Variants in DNAI2 observed in about 807,000 individuals in gnomAD.
The protein encoded by DNAI2 is dynein, axonemal, intermediate polypeptide 2.
Under a neutral mutation model 74.7 loss-of-function variants are expected in DNAI2, and 63 were observed. The ratio of observed to expected loss-of-function variants is 0.84; its 90% CI spans 0.69 to 1.04. The LOEUF is 1.04. Ranked by LOEUF, DNAI2 falls within the 50% of genes least tolerant of loss-of-function variation. The pLI is 0.00. For missense variants in DNAI2, 688 were observed against 803.2 expected, an observed-to-expected ratio of 0.86 and a Z score of 1.73; for synonymous variants, 289 against 314.9, an observed-to-expected ratio of 0.92 and a Z score of 0.87.
At chr17:74,310,263 C>A in intron 11 of DNAI2, 100 bp downstream of exon 11, 3 of 1,479,986 alleles carry the variant, frequency 2.0e-6, no homozygotes, top group East Asian at 2.5e-5. Context: ...CGCCCTCCCA[C>A]CCCCAGAACA....
intron 9 of DNAI2, among the ~76,000 whole-genome samples, 175 bp from the exon 10 acceptor site, chr17:74,309,078 A>T (rs1317526182): frequency 6.6e-6 from 1 of 151,528 alleles, no homozygotes; most frequent in Non-Finnish European, 1.5e-5. Flanking sequence ...AAAAAAAAAA[A>T]AGCAACCTGT....
intron 8 of DNAI2, among the ~76,000 whole-genome samples, chr17:74,303,075 G>A (rs573376357): frequency 6.6e-6 from 1 of 152,354 alleles, no homozygotes; most frequent in South Asian, 2.1e-4. Context: ...TGCACACTGT[G>A]TGTTGGACAC....
Position 74,299,902 on chromosome 17 carries a change from A to G in DNAI2, c.864+45A>G, listed in dbSNP as rs779082321. ...TGGAGAGAGGAGGGAAGGGAGGGGCAGTAACTGTTCCCTGGTTCCCCATCA... is the reference window on the plus strand; with the variant it reads ...TGGAGAGAGGAGGGAAGGGAGGGGCGGTAACTGTTCCCTGGTTCCCCATCA... On this transcript the variant is annotated intron_variant, in intron 7 of 13. Coordinates refer to ENST00000311014, the MANE Select transcript of DNAI2 (RefSeq NM_023036.6). 46 of 1,611,156 alleles carry G rather than the reference A, an allele frequency of 2.9e-5. No homozygotes were observed. In the African/African-American group the frequency reaches 5.1e-4, roughly 18 times the overall value.
rs2051476876 is a variant in DNAI2, at chr17:74,282,874, G to C, written c.183+874G>C. Among the ~76,000 whole-genome samples the C allele has an allele frequency of 2.0e-5, 3 of 152,198 alleles. No homozygotes were observed. The South Asian group carries it at 6.2e-4, about 31-fold the overall frequency. On this transcript the variant is annotated intron_variant, in intron 2 of 13. Coordinates refer to ENST00000311014, the MANE Select transcript of DNAI2 (RefSeq NM_023036.6). ...ACGTCCAACAGTCAGGTGGGTGTGG[G>C]TGGTTTCAGTGACTCACAGTTCAAA...
chr17:74,307,148 G>T, intron 9 of DNAI2: 1 of 437,774 alleles, frequency 2.3e-6, no homozygotes, highest in South Asian at 1.6e-5. Flanking sequence ...CAAGTAGGGG[G>T]TTCCCAGTAG....
At chr17:74,301,300 C>A in intron 8 of DNAI2, 132 bp downstream of exon 8, 1 of 1,342,046 alleles carries the variant, frequency 7.5e-7, no homozygotes. Flanking sequence ...TCACTGCAGC[C>A]ATCCTAGACG....
rs1361220056 is a variant in DNAI2, at chr17:74,300,430, CTCTT to C, written c.864+579_864+582del. The stretch of plus-strand genomic sequence containing the variant: ...AGGAAACACACCTCTCTCTTCTTTA[CTCTT>C]TCTTTTTGCACACTTCACACACTAT... On this transcript the variant is annotated intron_variant, in intron 7 of 13. Transcript: ENST00000311014. The surrounding 1 kb of genome is among the most constrained non-coding windows in gnomAD (Gnocchi z 4.5). Among the ~76,000 whole-genome samples the C allele has an allele frequency of 6.6e-6, 1 of 152,188 alleles. No individual in the cohort carries two copies. Among genetic ancestry groups the C allele is most frequent in the African/African-American group, 2.4e-5 (1 of 41,454 alleles).
intron 8 of DNAI2, among the ~76,000 whole-genome samples, chr17:74,304,635 A>C (rs1366583907): frequency 6.6e-6 from 1 of 152,184 alleles, no homozygotes; most frequent in Non-Finnish European, 1.5e-5. Flanking sequence ...TGGGCGATGG[A>C]CCCATGTCAG....
chr17:74,300,917 G>A lies in DNAI2; in HGVS notation c.865-129G>A, dbSNP rs575123454. 8.1e-5 allele frequency: 106 copies of A among 1,303,196 alleles called. No individual in the cohort carries two copies. The highest frequency in any genetic ancestry group is 5.3e-4 in the Middle Eastern group (2 of 3,796). The allele number at this position is 1,303,196 out of a possible 1,614,324, so 80.7% of individuals were successfully genotyped here. ...ATCCTCAAAGTGTATTTGCTCCCAC[G>A]AATTGCCGGGAGCTCCATCCTTTGT... is the stretch of plus-strand genomic sequence containing the variant. On this transcript the variant is annotated intron_variant, in intron 7 of 13. Transcript: ENST00000311014. This position sits in a 1 kb window ranked among gnomAD's most constrained non-coding sequence, Gnocchi z 4.5.
chr17:74,297,084 T>A (rs189423876), intron 6 of DNAI2, among the ~76,000 whole-genome samples: 12 of 152,154 alleles, frequency 7.9e-5, no homozygotes, highest in African/African-American at 2.9e-4. Context: ...GAAAACTGAT[T>A]TTTGTTTGTT....
rs754901875 is a variant in DNAI2 at position 74,305,313 on chromosome 17, C to T, written c.1082C>T (p.Pro361Leu). 6.2e-6 allele frequency: 10 copies of T among 1,614,132 alleles called. No individual in the cohort carries two copies. The highest frequency in any genetic ancestry group is 3.3e-5 in the Admixed American group (2 of 60,014). The change falls in exon 9 of 14, where the codon CCG (proline) becomes CTG (leucine). Residue 361 changes from proline (P) to leucine (L), a missense_variant. Pro to Leu is a moderately conservative substitution (Grantham distance 98, BLOSUM62 -3). Transcript: ENST00000311014. Reference protein sequence around the residue: ...TSAEKIVCTFPGHHGPIYALQ... With the variant: ...TSAEKIVCTFLGHHGPIYALQ... ...GCTGAAAAGATTGTGTGCACCTTCC[C>T]GGGCCATCATGGCCCCATCTACGCC...
chr17:74,308,863 A>C (rs569797297), intron 9 of DNAI2, among the ~76,000 whole-genome samples: 2 of 152,166 alleles, frequency 1.3e-5, no homozygotes, highest in East Asian at 3.9e-4. Context: ...CAAGAGTTTG[A>C]GAGCAGCCTG....
chr17:74,286,883 G>C (rs1395682043), intron 3 of DNAI2, 94 bp from the exon 4 acceptor site: 1 of 1,554,660 alleles, frequency 6.4e-7, no homozygotes, highest in African/African-American at 1.4e-5. Flanking sequence ...AAAGCCCCTG[G>C]CTATGTCCTG....
rs1346703644 is a variant in DNAI2, at chr17:74,301,450, C to CAACAACAACAGAAAACAAACAA, written c.987+282_987+283insAACAACAACAGAAAACAAACAA. On this transcript the variant is annotated intron_variant, in intron 8 of 13. Transcript: ENST00000311014. ...AGGGCAATCTTTTGACAGAACAATTCCAGAAAAGCCCTGTTTTGTGGGGAA... is the reference window on the plus strand; with the variant it reads ...AGGGCAATCTTTTGACAGAACAATTCAACAACAACAGAAAACAAACAACAGAAAAGCCCTGTTTTGTGGGGAA... 2.0e-5 allele frequency among the ~76,000 whole-genome samples: 3 copies of CAACAACAACAGAAAACAAACAA among 152,292 alleles called. No individual in the cohort carries two copies. In the East Asian group the frequency reaches 5.8e-4, roughly 29 times the overall value.
In DNAI2 at chr17:74,314,856, G is replaced by C. The variant is rs1291989074; in HGVS notation, c.*323G>C. The C allele has an allele frequency of 1.2e-5, 2 of 165,316 alleles. No individual in the cohort carries two copies. Among genetic ancestry groups the C allele is most frequent in the Non-Finnish European group, 1.3e-5 (1 of 74,126 alleles). The allele number at this position is 165,316 out of a possible 1,614,324, so 10.2% of individuals were successfully genotyped here. ...AATGCTTTCTGTTATCCTAATTCTT[G>C]TAAAATTAAATGAATCGTAACAATG... On this transcript the variant is annotated 3_prime_UTR_variant, in exon 14 of 14. Coordinates refer to ENST00000311014, the MANE Select transcript of DNAI2 (RefSeq NM_023036.6).
chr17:74,312,537 G>T (rs891095165), intron 12 of DNAI2, among the ~76,000 whole-genome samples: 1 of 152,146 alleles, frequency 6.6e-6, no homozygotes, highest in Non-Finnish European at 1.5e-5. Context: ...GGGAACATGT[G>T]TGTTGAGTGA....
At position 74,284,519 on chromosome 17, in the gene DNAI2, T is replaced by C. The variant is rs7222456; in HGVS notation, c.184-521T>C. Among the ~76,000 whole-genome samples the C allele has an allele frequency of 5.5e-3, 832 of 152,180 alleles. 5 individuals carry two copies. The highest frequency in any genetic ancestry group is 0.019 in the African/African-American group (778 of 41,530). On this transcript the variant is annotated intron_variant, in intron 2 of 13. Coordinates refer to ENST00000311014, the MANE Select transcript of DNAI2 (RefSeq NM_023036.6). ...CCTCTGCCTCCCAGGTTCAAGTGAT[T>C]CTCCTGCCTCAGCCTCCCGAGTAGC...
chr17:74,275,722 G>A (rs185066398), intron 1 of DNAI2, among the ~76,000 whole-genome samples: 227 of 150,192 alleles, frequency 1.5e-3, no homozygotes, highest in Non-Finnish European at 2.5e-3. Flanking sequence ...CTGAGACTCC[G>A]TCTCAAAAAA....
intron 9 of DNAI2, 64 bp downstream of exon 9, chr17:74,305,506 C>T: frequency 6.6e-7 from 1 of 1,511,176 alleles, no homozygotes; most frequent in Non-Finnish European, 9.1e-7. Flanking sequence ...GGGAGCCCAG[C>T]TGGGCCCCGG....
Sources: gnomAD v4.1 joint callset for allele counts (sites outside exome capture counted in the v4.1 genomes callset) on GRCh38, gnomAD v4.1.1 for gene constraint, Gnocchi (gnomAD v3.1) non-coding constraint, MANE v1.5 for transcripts, NCBI Gene and HGNC (gene_info 2026-07-23, HGNC 2026-07-21) for gene names.